Variants in ZNF827 observed in about 807,000 individuals in gnomAD.
ZNF827 encodes zinc finger protein 827.
A neutral mutation model predicts 102.4 loss-of-function variants in ZNF827; 13 were observed. The ratio of observed to expected loss-of-function variants is 0.13; its 90% confidence interval spans 0.08 to 0.20. The LOEUF (loss-of-function observed/expected upper bound fraction) is 0.20. ZNF827 is among the 10% of genes least tolerant of loss of function. ZNF827 has a pLI of 1.00. For synonymous variants in ZNF827, 523 were observed against 536.2 expected (o/e 0.98, Z 0.34); for missense variants, 1,103 against 1,344.4 (o/e 0.82, Z 2.81).
At chr4:145,898,607 C>T (rs569444299) in intron 2 of ZNF827, among the ~76,000 whole-genome samples, 23 of 152,304 alleles carry the variant, frequency 1.5e-4, no homozygotes, top group Admixed American at 2.6e-4. Flanking sequence ...TTCCCTCTAT[C>T]GTGTCCCCTT....
chr4:145,876,872 A>G (rs1177230110), intron 4 of ZNF827: 6 of 152,224 alleles, frequency 3.9e-5, no homozygotes. Context: ...AAATTACAAG[A>G]CAAGTTGTTA....
At chr4:145,844,438 G>T (rs984400477) in intron 7 of ZNF827, among the ~76,000 whole-genome samples, 6 of 150,408 alleles carry the variant, frequency 4.0e-5, no homozygotes, top group Non-Finnish European at 7.4e-5. Flanking sequence ...CCAGCACTTT[G>T]GAAGGCCGAG....
At chr4:145,910,964 T>C (rs1579548789) in intron 1 of ZNF827, among the ~76,000 whole-genome samples, 1 of 152,220 alleles carries the variant, frequency 6.6e-6, no homozygotes, top group Non-Finnish European at 1.5e-5. Context: ...GGCATTTAGG[T>C]TGGTACTGAA....
At chr4:145,778,970 T>C (rs569835711) in intron 9 of ZNF827, among the ~76,000 whole-genome samples, 2 of 152,300 alleles carry the variant, frequency 1.3e-5, no homozygotes, top group African/African-American at 2.4e-5. Context: ...CAATTATACA[T>C]AAATAAAGGC....
intron 8 of ZNF827, among the ~76,000 whole-genome samples, chr4:145,781,212 A>AG (rs1737982051): frequency 3.9e-5 from 5 of 127,142 alleles, no homozygotes; most frequent in African/African-American, 6.4e-5. Flanking sequence ...AAAAAAAAAA[A>AG]AAAAAGAAAA....
chr4:145,807,460 T>A (rs1741565482), intron 8 of ZNF827, among the ~76,000 whole-genome samples: 2 of 151,976 alleles, frequency 1.3e-5, no homozygotes, highest in South Asian at 4.1e-4. Flanking sequence ...CTTTCATTTT[T>A]CTTTTTCATG....
chr4:145,886,396 A>C (rs909512775), intron 3 of ZNF827, among the ~76,000 whole-genome samples: 1 of 152,218 alleles, frequency 6.6e-6, no homozygotes, highest in African/African-American at 2.4e-5. Flanking sequence ...GCAGCCGGCC[A>C]ACGGATGCTA....
rs150798873 is a variant in ZNF827, at chr4:145,759,980, C to T, written c.*1636G>A. 6.6e-6 allele frequency: 1 copy of T among 151,590 alleles called. No individual in the cohort carries two copies. Among genetic ancestry groups the T allele is most frequent in the Non-Finnish European group, 1.5e-5 (1 of 68,024 alleles). 9.4% of individuals were successfully genotyped at this position (151,590 alleles called of 1,614,324 possible). ...ATTTGTCTACGTGTGGGCACACACA[C>T]AAAACACACTTAAGTTCTGTGATGT... On this transcript the variant is annotated 3_prime_UTR_variant, in exon 15 of 15. Transcript: ENST00000508784.
At chr4:145,841,904 T>C (rs62345827) in intron 7 of ZNF827, among the ~76,000 whole-genome samples, 6,896 of 152,016 alleles carry the variant, frequency 0.045, 194 homozygotes, top group Non-Finnish European at 0.052. Context: ...GCAGCTGAGT[T>C]TAAGTTCTTA....
Position 145,885,835 on chromosome 4 carries a change from G to A in ZNF827, c.1590C>T (p.Asn530=), listed in dbSNP as rs374986289. The change falls in exon 4 of 15, where the codon AAC becomes AAT. Residue 530 remains asparagine (N), a synonymous_variant. Transcript: ENST00000508784. ...TCAAAGTAAAGGAGGTGGGCAGGCCGTTATCTTCCTTGGGTTCCTCCTTCA... is the reference window on the plus strand; with the variant it reads ...TCAAAGTAAAGGAGGTGGGCAGGCCATTATCTTCCTTGGGTTCCTCCTTCA... ...LLVKEEPKED[N]GLPTSFTLNA... 33 of 1,614,078 alleles carry A rather than the reference G, an allele frequency of 2.0e-5. No homozygotes were observed. Among genetic ancestry groups the A allele is most frequent in the Admixed American group, 3.3e-5 (2 of 60,006 alleles).
intron 5 of ZNF827, among the ~76,000 whole-genome samples, chr4:145,866,117 A>G (rs1169026378): frequency 2.6e-5 from 4 of 152,156 alleles, no homozygotes; most frequent in Non-Finnish European, 5.9e-5. Context: ...GCTGCGGTGG[A>G]AAACCAAGGC....
rs145966680 is a variant in ZNF827 at position 145,902,237 on chromosome 4, G to T, written c.1022C>A (p.Pro341Gln). Residue 341 changes from proline (P) to glutamine (Q), a missense_variant, in exon 2 of 15, where the codon CCA becomes CAA. By Grantham distance (76) the Pro-to-Gln change is moderately conservative. This residue lies in a region of ZNF827 where 441 missense variants were observed against 458.6 expected (regional missense o/e 0.96). Transcript: ENST00000508784. The surrounding 1 kb of genome is among the most constrained non-coding windows in gnomAD (Gnocchi z 4.3). ...PPPPPPPPPP[P>Q]PPQSLELLLL... The stretch of plus-strand genomic sequence containing the variant: ...TAATAATTCCAGGGATTGTGGTGGT[G>T]GTGGTGGAGGTGGTGGAGGTGGCGG... 1.2e-4 allele frequency: 184 copies of T among 1,595,994 alleles called. No individual in the cohort carries two copies. The African/African-American group carries it at 2.1e-3, about 18-fold the overall frequency.
intron 5 of ZNF827, among the ~76,000 whole-genome samples, chr4:145,869,247 T>C (rs904571797): frequency 6.6e-6 from 1 of 152,212 alleles, no homozygotes; most frequent in Non-Finnish European, 1.5e-5. Flanking sequence ...TGTTCTGATA[T>C]AACGACTAAG....
chr4:145,882,699 T>C (rs952367288), intron 4 of ZNF827, among the ~76,000 whole-genome samples: 3 of 152,234 alleles, frequency 2.0e-5, no homozygotes, highest in East Asian at 1.9e-4. Flanking sequence ...AGTAGGTGTC[T>C]GCACGCTTGA....
chr4:145,883,674 T>A (rs138684350), intron 4 of ZNF827, among the ~76,000 whole-genome samples: 13 of 152,336 alleles, frequency 8.5e-5, no homozygotes, highest in African/African-American at 3.1e-4. Context: ...TTTTAAAACA[T>A]CCCTGGAGTC....
chr4:145,923,451 A>T (rs1264275511), intron 1 of ZNF827, among the ~76,000 whole-genome samples: 2 of 51,088 alleles, frequency 3.9e-5, no homozygotes, highest in East Asian at 4.5e-4. Context: ...TTACAAATGT[A>T]AAAAAAAAAA....
In ZNF827 at chr4:145,885,640, GAGAGA is replaced by G. The variant is rs760946838; in HGVS notation, c.1747+33_1747+37del. The G allele has an allele frequency of 6.0e-6, 9 of 1,500,478 alleles. No homozygotes were observed. The African/African-American group carries it at 8.4e-5, about 14-fold the overall frequency. The allele number at this position is 1,500,478 out of a possible 1,614,324, so 92.9% of individuals were successfully genotyped here. On this transcript the variant is annotated intron_variant, in intron 4 of 14. Transcript: ENST00000508784. ...AGAGAGAGAGAGAGAGAGAGAGAGAGAGAGAGAGAGAGAGAGAATACAACCCTATT... is the reference window on the plus strand; with the variant it reads ...AGAGAGAGAGAGAGAGAGAGAGAGAGGAGAGAGAGAGAATACAACCCTATT...
Position 145,840,739 on chromosome 4 carries a change from T to G in ZNF827, c.2279+5217A>C, listed in dbSNP as rs190029792. Among the ~76,000 whole-genome samples the G allele has an allele frequency of 2.0e-5, 3 of 152,382 alleles. No homozygotes were observed. The East Asian group carries it at 5.8e-4, about 29-fold the overall frequency. ...AACTAAAAAGGGAAAATTGTGCGAATTGAGGCAACACATCATGCTTTTACA... is the reference window on the plus strand; with the variant it reads ...AACTAAAAAGGGAAAATTGTGCGAAGTGAGGCAACACATCATGCTTTTACA... On this transcript the variant is annotated intron_variant, in intron 7 of 14. Coordinates refer to ENST00000508784, the MANE Select transcript of ZNF827 (RefSeq NM_001306215.2).
At chr4:145,880,711 G>C (rs1749587249) in intron 4 of ZNF827, among the ~76,000 whole-genome samples, 1 of 152,210 alleles carries the variant, frequency 6.6e-6, no homozygotes, top group South Asian at 2.1e-4. Flanking sequence ...AGGAATTTTA[G>C]TCACGTGATT....
Sources: gnomAD v4.1 joint callset for allele counts (sites outside exome capture counted in the v4.1 genomes callset) on GRCh38, gnomAD v4.1.1 for gene constraint, gnomAD v4.1.1 regional missense constraint, Gnocchi (gnomAD v3.1) non-coding constraint, MANE v1.5 for transcripts, NCBI Gene and HGNC (gene_info 2026-07-23, HGNC 2026-07-21) for gene names.